PRR5L: variants seen among roughly 807,000 people sequenced by gnomAD.
PRR5L encodes proline-rich protein 5-like.
In PRR5L, 21 loss-of-function variants were observed where a neutral mutation model predicts 36.4. The observed-to-expected ratio is 0.58, with a 90% CI of 0.41 to 0.83. The LOEUF (loss-of-function observed/expected upper bound fraction) is 0.83. PRR5L is among the 40% of genes least tolerant of loss of function. The probability of loss-of-function intolerance (pLI) is 0.00; values close to 1 mark genes in which losing one functional copy is unlikely to be tolerated. For synonymous variants in PRR5L, 188 were observed against 197.0 expected, an observed-to-expected ratio of 0.95 and a Z score of 0.38; for missense variants, 381 against 473.3, an observed-to-expected ratio of 0.80 and a Z score of 1.81.
chr11:36,403,470 T>TTG, intron 3 of PRR5L, 92 bp downstream of exon 3: 2 of 948,660 alleles, frequency 2.1e-6, no homozygotes, highest in South Asian at 1.5e-5. Flanking sequence ...AGGGTTTTTT[T>TTG]TTTTTTTTTC....
intron 1 of PRR5L, among the ~76,000 whole-genome samples, chr11:36,304,048 T>C (rs1279227161): frequency 6.6e-6 from 1 of 152,186 alleles, no homozygotes; most frequent in African/African-American, 2.4e-5. Context: ...TGAGGGACAC[T>C]GTGGCCCAGG....
intron 3 of PRR5L, among the ~76,000 whole-genome samples, chr11:36,415,645 G>A (rs111648954): frequency 2.5e-3 from 388 of 152,354 alleles, no homozygotes; most frequent in Middle Eastern, 6.8e-3. Flanking sequence ...TCAGGAGGCT[G>A]AGGCATAAGA....
At chr11:36,333,162 T>C (rs1856735970) in intron 1 of PRR5L, among the ~76,000 whole-genome samples, 1 of 152,202 alleles carries the variant, frequency 6.6e-6, no homozygotes, top group African/African-American at 2.4e-5. Flanking sequence ...AATTTTATTT[T>C]TTACTCATAT....
intron 6 of PRR5L, among the ~76,000 whole-genome samples, chr11:36,440,099 A>G (rs959290844): frequency 7.2e-5 from 11 of 152,212 alleles, no homozygotes; most frequent in African/African-American, 2.7e-4. Flanking sequence ...TTTATGTGGC[A>G]GGTTGGTATA....
intron 6 of PRR5L, among the ~76,000 whole-genome samples, chr11:36,437,840 C>A (rs906035501): frequency 6.6e-6 from 1 of 152,080 alleles, no homozygotes; most frequent in Non-Finnish European, 1.5e-5. Context: ...TTCTTCTCTC[C>A]CCCTACTTTT....
intron 7 of PRR5L, among the ~76,000 whole-genome samples, chr11:36,447,674 C>G (rs902250391): frequency 6.6e-6 from 1 of 152,194 alleles, no homozygotes; most frequent in African/African-American, 2.4e-5. Context: ...GGGCCCCAAT[C>G]CTTCCCCCAC....
chr11:36,419,189 C>T, intron 3 of PRR5L, 66 bp from the exon 4 acceptor site: 1 of 1,489,382 alleles, frequency 6.7e-7, no homozygotes, highest in Admixed American at 1.7e-5. Flanking sequence ...CTGGTGAGCA[C>T]ATTGTCACCA....
Position 36,404,271 on chromosome 11 carries a change from T to TTTTTTGTTTTTG in PRR5L, c.245+898_245+899insGTTTTTGTTTTT, listed in dbSNP as rs1554926352. ...ACAGGAGATCGATCCATCAGGTCTT[T>TTTTTTGTTTTTG]TTTTTTTTTTTTTTTTTTTAAACGG... On this transcript the variant is annotated intron_variant, in intron 3 of 8. Coordinates refer to ENST00000530639, the MANE Select transcript of PRR5L (RefSeq NM_001160167.2). Among the ~76,000 whole-genome samples, 3 of 105,124 alleles carry TTTTTTGTTTTTG rather than the reference T, an allele frequency of 2.9e-5. No individual in the cohort carries two copies. The South Asian group carries it at 8.1e-4, about 28-fold the overall frequency. 69.0% of individuals were successfully genotyped at this position (105,124 alleles called of 152,430 possible).
At chr11:36,430,313 G>A (rs900966256) in intron 4 of PRR5L, among the ~76,000 whole-genome samples, 3 of 152,172 alleles carry the variant, frequency 2.0e-5, no homozygotes, top group Non-Finnish European at 2.9e-5. Flanking sequence ...ACAGGAGGCT[G>A]AGGTGGGAGA....
intron 1 of PRR5L, among the ~76,000 whole-genome samples, chr11:36,306,556 C>G (rs1345076109): frequency 6.6e-6 from 1 of 152,098 alleles, no homozygotes; most frequent in African/African-American, 2.4e-5. Flanking sequence ...AATCTATGTA[C>G]CTACTACCTT....
chr11:36,432,123 G>A (rs575569361), intron 5 of PRR5L, among the ~76,000 whole-genome samples: 5 of 151,974 alleles, frequency 3.3e-5, no homozygotes, highest in South Asian at 4.2e-4. Context: ...GTAGTGGGAC[G>A]GGGTGGTTTC....
intron 1 of PRR5L, among the ~76,000 whole-genome samples, chr11:36,326,147 C>T (rs555390550): frequency 3.5e-4 from 54 of 152,226 alleles, no homozygotes; most frequent in African/African-American, 1.3e-3. Flanking sequence ...ATACCCATCA[C>T]CCAGCTTTAA....
chr11:36,373,757 C>T (rs1395878456), intron 1 of PRR5L, among the ~76,000 whole-genome samples: 4 of 152,104 alleles, frequency 2.6e-5, no homozygotes, highest in Admixed American at 6.6e-5. Context: ...CCAGGAAGTA[C>T]GCTTCTCCCA....
intron 1 of PRR5L, among the ~76,000 whole-genome samples, chr11:36,397,160 T>G (rs1399168598): frequency 1.3e-5 from 2 of 149,234 alleles, no homozygotes; most frequent in Non-Finnish European, 3.0e-5. Flanking sequence ...CCCTGCCTCC[T>G]GGGTTCAAGC....
chr11:36,382,707 T>A (rs1857391046), intron 1 of PRR5L, among the ~76,000 whole-genome samples: 1 of 152,170 alleles, frequency 6.6e-6, no homozygotes, highest in Admixed American at 6.5e-5. Context: ...TTTGGCAGCA[T>A]CCTTGGCCTC....
chr11:36,410,070 C>G (rs1458951842), intron 3 of PRR5L, among the ~76,000 whole-genome samples: 1 of 152,184 alleles, frequency 6.6e-6, no homozygotes, highest in African/African-American at 2.4e-5. Flanking sequence ...GATGAGGGCT[C>G]TTCTTGGTCT....
chr11:36,460,741 C>T (rs1859162776), intron 8 of PRR5L, among the ~76,000 whole-genome samples: 1 of 152,332 alleles, frequency 6.6e-6, no homozygotes, highest in African/African-American at 2.4e-5. Flanking sequence ...TCCATCTTGC[C>T]CTATGACCTT....
At chr11:36,421,930 T>C (rs1010447414) in intron 4 of PRR5L, among the ~76,000 whole-genome samples, 11 of 152,224 alleles carry the variant, frequency 7.2e-5, no homozygotes, top group Admixed American at 4.6e-4. Context: ...TGCTGACTAG[T>C]TAGGATTTCT....
At chr11:36,328,599 G>A (rs1856688618) in intron 1 of PRR5L, among the ~76,000 whole-genome samples, 1 of 152,170 alleles carries the variant, frequency 6.6e-6, no homozygotes, top group Admixed American at 6.5e-5. Context: ...GTGGAACCAT[G>A]AGCCAATCAG....
Sources: gnomAD v4.1 joint callset for allele counts (sites outside exome capture counted in the v4.1 genomes callset) on GRCh38, gnomAD v4.1.1 for gene constraint, MANE v1.5 for transcripts, NCBI Gene and HGNC (gene_info 2026-07-23, HGNC 2026-07-21) for gene names.